The following OXR1 variants were observed in gnomAD, a reference collection of about 807,000 sequenced individuals.
OXR1 encodes oxidation resistance protein 1.
OXR1 carries 41 observed loss-of-function variants against 104.6 expected under a neutral mutation model. That is an observed-to-expected ratio of 0.39 (90% CI 0.31 to 0.51). The LOEUF (loss-of-function observed/expected upper bound fraction) is 0.51. OXR1 is among the 20% of genes least tolerant of loss of function. The pLI is 0.77. For missense variants in OXR1, 955 were observed against 1,031.9 expected (o/e 0.93, Z 1.02); for synonymous variants, 348 against 348.4 (o/e 1.00, Z 0.01).
At chr8:106,282,554 A>G (rs747344690) in intron 1 of OXR1, among the ~76,000 whole-genome samples, 1 of 152,198 alleles carries the variant, frequency 6.6e-6, no homozygotes, top group East Asian at 1.9e-4. Context: ...TAACATGGCT[A>G]TTGTGTGTGT....
chr8:106,638,707 AC>A (rs1398767055), intron 3 of OXR1, among the ~76,000 whole-genome samples: 1 of 152,168 alleles, frequency 6.6e-6, no homozygotes, highest in Non-Finnish European at 1.5e-5. Context: ...AGCCTGGCCA[AC>A]ATGGTGAAAT....
intron 11 of OXR1, among the ~76,000 whole-genome samples, chr8:106,735,607 T>A (rs915436064): frequency 7.2e-5 from 11 of 152,126 alleles, no homozygotes; most frequent in African/African-American, 2.7e-4. Flanking sequence ...GAGAATTAGA[T>A]AAGTTATTTT....
intron 1 of OXR1, among the ~76,000 whole-genome samples, chr8:106,351,545 T>G (rs1815726601): frequency 6.6e-6 from 1 of 152,060 alleles, no homozygotes; most frequent in Admixed American, 6.6e-5. Context: ...CACAGATGCA[T>G]TCGGGAAAAT....
chr8:106,670,968 C>T (rs1826885990), intron 3 of OXR1, among the ~76,000 whole-genome samples: 1 of 144,604 alleles, frequency 6.9e-6, no homozygotes, highest in Non-Finnish European at 1.5e-5. Context: ...TTGCTTGAAC[C>T]TGGCAGGCAG....
At chr8:106,401,650 G>A (rs1009732674) in intron 2 of OXR1, among the ~76,000 whole-genome samples, 4 of 152,102 alleles carry the variant, frequency 2.6e-5, no homozygotes, top group African/African-American at 9.7e-5. Context: ...TTTTTTGGTT[G>A]TAGGAGGGGC....
At chr8:106,500,239 T>C (rs556664558) in intron 2 of OXR1, among the ~76,000 whole-genome samples, 162 of 152,324 alleles carry the variant, frequency 1.1e-3, no homozygotes, top group African/African-American at 3.6e-3. Flanking sequence ...GTACCTGTTT[T>C]AAGAAAAAAC....
At chr8:106,540,691 C>CA (rs1242436561) in intron 3 of OXR1, among the ~76,000 whole-genome samples, 1 of 152,160 alleles carries the variant, frequency 6.6e-6, no homozygotes, top group African/African-American at 2.4e-5. Context: ...ATGGAGAACT[C>CA]AGAGTTCCAC....
intron 3 of OXR1, among the ~76,000 whole-genome samples, chr8:106,614,532 A>C (rs1310428133): frequency 6.6e-6 from 1 of 152,224 alleles, no homozygotes; most frequent in Non-Finnish European, 1.5e-5. Context: ...CAAAAGTGGT[A>C]GATAGCCAAT....
At chr8:106,456,419 G>A (rs1820599851) in intron 2 of OXR1, among the ~76,000 whole-genome samples, 1 of 151,892 alleles carries the variant, frequency 6.6e-6, no homozygotes, top group South Asian at 2.1e-4. Context: ...AAAAAGCATT[G>A]GATTATTTAC....
intron 1 of OXR1, among the ~76,000 whole-genome samples, chr8:106,345,871 A>G (rs999107699): frequency 5.9e-5 from 9 of 152,184 alleles, no homozygotes; most frequent in African/African-American, 2.2e-4. Context: ...TGTGGTGGGT[A>G]GACAATCAGA....
chr8:106,589,696 T>G (rs1230304962), intron 3 of OXR1, among the ~76,000 whole-genome samples: 2 of 152,162 alleles, frequency 1.3e-5, no homozygotes, highest in Admixed American at 6.5e-5. Flanking sequence ...GAGATGGAGT[T>G]TCGCTTGTTG....
intron 2 of OXR1, among the ~76,000 whole-genome samples, chr8:106,471,005 A>G (rs1346229176): frequency 1.3e-5 from 2 of 151,776 alleles, no homozygotes; most frequent in Non-Finnish European, 2.9e-5. Flanking sequence ...TGGATTTAAA[A>G]GAGAATGAAA....
intron 2 of OXR1, among the ~76,000 whole-genome samples, chr8:106,489,428 G>A (rs116962467): frequency 0.016 from 2,360 of 152,248 alleles, 155 homozygotes; most frequent in Admixed American, 0.11. Context: ...AGCATTGTAA[G>A]TTTTCCCAGG....
chr8:106,713,236 G>A (rs904134592), intron 10 of OXR1, among the ~76,000 whole-genome samples: 55 of 151,856 alleles, frequency 3.6e-4, no homozygotes, highest in African/African-American at 1.3e-3. Flanking sequence ...GTAGATATTT[G>A]AAATGTGTGT....
At chr8:106,663,716 A>G (rs1825990319) in intron 3 of OXR1, among the ~76,000 whole-genome samples, 1 of 152,144 alleles carries the variant, frequency 6.6e-6, no homozygotes, top group Non-Finnish European at 1.5e-5. Context: ...TTAGATTCTC[A>G]TAGGAGTGTG....
intron 1 of OXR1, among the ~76,000 whole-genome samples, chr8:106,308,464 G>C (rs1021286533): frequency 2.6e-5 from 4 of 152,066 alleles, no homozygotes; most frequent in Non-Finnish European, 5.9e-5. Context: ...TCTTTAGCCT[G>C]GTCAAATTGA....
At chr8:106,330,740 A>G (rs1814680210) in intron 1 of OXR1, among the ~76,000 whole-genome samples, 1 of 152,180 alleles carries the variant, frequency 6.6e-6, no homozygotes. Context: ...TATTGAGGGT[A>G]TTGGGCTCTG....
At chr8:106,439,986 G>A (rs1168031749) in intron 2 of OXR1, among the ~76,000 whole-genome samples, 2 of 152,056 alleles carry the variant, frequency 1.3e-5, no homozygotes, top group Admixed American at 6.6e-5. Context: ...GATAAGTGAG[G>A]TTTTACTGTG....
intron 1 of OXR1, among the ~76,000 whole-genome samples, chr8:106,340,238 T>C (rs1815187898): frequency 6.6e-6 from 1 of 150,788 alleles, no homozygotes; most frequent in South Asian, 2.1e-4. Flanking sequence ...AAAAAAAACC[T>C]TCTGACTTGA....
Sources: gnomAD v4.1 joint callset for allele counts (sites outside exome capture counted in the v4.1 genomes callset) on GRCh38, gnomAD v4.1.1 for gene constraint, MANE v1.5 for transcripts, NCBI Gene and HGNC (gene_info 2026-07-23, HGNC 2026-07-21) for gene names.